Variants in DNAH1 observed in about 807,000 individuals in gnomAD.
The protein encoded by DNAH1 is axonemal beta dynein heavy chain 1.
In DNAH1, 327 loss-of-function variants were observed where a neutral mutation model predicts 484.3. The observed-to-expected ratio is 0.68, with a 90% CI of 0.62 to 0.74. The LOEUF (loss-of-function observed/expected upper bound fraction) is 0.74, where lower values mean the gene tolerates loss of function less well. Ranked by LOEUF, DNAH1 falls within the 30% of genes least tolerant of loss-of-function variation. The pLI, the probability that DNAH1 is intolerant of heterozygous loss-of-function variation, is 0.00. For synonymous variants in DNAH1, 2,192 were observed against 2,191.9 expected (o/e 1.00, Z 0.00); for missense variants, 5,052 against 5,546.8 (o/e 0.91, Z 2.83).
Position 52,357,730 on chromosome 3 carries a change from C to G in DNAH1, c.3975C>G (p.Phe1325Leu), listed in dbSNP as rs1289445795. The change falls in exon 23 of 78, where the codon TTC (phenylalanine) becomes TTG (leucine). Residue 1325 changes from phenylalanine to leucine, a missense_variant. Physicochemically the swap from Phe to Leu is conservative, Grantham distance 22. Transcript: ENST00000420323. ...SEYLETKRSAFPRFYFLSDDE... is the reference protein window; with the variant it reads ...SEYLETKRSALPRFYFLSDDE... ...ATCTGGAGACCAAGAGGAGCGCCTT[C>G]CCCAGGTGGGCGCCACCTGGCCATG... The G allele has an allele frequency of 6.3e-7, 1 of 1,577,706 alleles. No homozygotes were observed. The highest frequency in any genetic ancestry group is 1.8e-5 in the Admixed American group (1 of 54,482).
chr3:52,339,061 G>T (rs1701835935), intron 8 of DNAH1, among the ~76,000 whole-genome samples: 1 of 151,686 alleles, frequency 6.6e-6, no homozygotes, highest in African/African-American at 2.4e-5. Flanking sequence ...TTGAATTATA[G>T]TTTTAAATCT....
chr3:52,352,638 G>A lies in DNAH1; in HGVS notation c.2958G>A (p.Leu986=). 2 of 1,612,780 alleles carry A rather than the reference G, an allele frequency of 1.2e-6. No homozygotes were observed. The highest frequency in any genetic ancestry group is 2.2e-5 in the East Asian group (1 of 44,876). The change falls in exon 18 of 78, where the codon CTG becomes CTA. Residue 986 remains leucine (L), a synonymous_variant. Coordinates refer to ENST00000420323, the MANE Select transcript of DNAH1 (RefSeq NM_015512.5). The part of the protein sequence containing the change: ...ANEVRRVKKQ[L]KDCQQLAMLY... Reference sequence around the variant, plus strand: ...AGGTGCGGCGTGTCAAGAAGCAGCTGAAGGACTGCCAGCAGCTGGCCATGC... The same window carrying A: ...AGGTGCGGCGTGTCAAGAAGCAGCTAAAGGACTGCCAGCAGCTGGCCATGC...
chr3:52,384,782 C>A lies in DNAH1; in HGVS notation c.8323-4C>A. The A allele has an allele frequency of 6.3e-7, 1 of 1,597,540 alleles. No homozygotes were observed. On this transcript the variant is annotated splice_polypyrimidine_tract_variant and splice_region_variant and intron_variant, in intron 52 of 77. Coordinates refer to ENST00000420323, the MANE Select transcript of DNAH1 (RefSeq NM_015512.5). ...GGCCGGCATCCATGGTCTTCCTCCC[C>A]CAGATCCAGGTCTGTGTGTACATCC...
intron 3 of DNAH1, 78 bp from the exon 4 acceptor site, chr3:52,326,062 A>G: frequency 1.5e-6 from 2 of 1,355,596 alleles, no homozygotes; most frequent in South Asian, 1.7e-5. Context: ...CTGGTTGGTA[A>G]TTTATTTTAT....
chr3:52,345,832 T>A, intron 10 of DNAH1, 126 bp downstream of exon 10: 1 of 1,026,036 alleles, frequency 9.7e-7, no homozygotes, highest in African/African-American at 1.6e-5. Flanking sequence ...GAGCCCCTGC[T>A]TTTCTCAAAA....
intron 8 of DNAH1, among the ~76,000 whole-genome samples, chr3:52,339,028 C>T (rs1461467166): frequency 2.6e-5 from 4 of 151,144 alleles, no homozygotes; most frequent in African/African-American, 4.9e-5. Context: ...AGCCAGACTC[C>T]GTCTAAAAAA....
chr3:52,315,791 A>G (rs1313256379), upstream of DNAH1, among the ~76,000 whole-genome samples: 1 of 152,226 alleles, frequency 6.6e-6, no homozygotes, highest in Non-Finnish European at 1.5e-5. Context: ...CAGGAAGACC[A>G]AAGCCTGAAC....
rs766402661 is a variant in DNAH1 at position 52,400,455 on chromosome 3, A to C, written c.*9A>C. 1 of 1,613,982 alleles carries C rather than the reference A, an allele frequency of 6.2e-7. No individual in the cohort carries two copies. The highest frequency in any genetic ancestry group is 8.5e-7 in the Non-Finnish European group (1 of 1,179,838). The stretch of plus-strand genomic sequence containing the variant: ...GTGCCCTGGACTACTAGACTCAGAC[A>C]GAAGGGCTGGGGCCATTAAAGCTGA... On this transcript the variant is annotated 3_prime_UTR_variant, in exon 78 of 78. Coordinates refer to ENST00000420323, the MANE Select transcript of DNAH1 (RefSeq NM_015512.5).
intron 32 of DNAH1, among the ~76,000 whole-genome samples, chr3:52,363,755 A>G (rs546087915): frequency 2.4e-4 from 37 of 152,290 alleles, no homozygotes; most frequent in African/African-American, 8.7e-4. Flanking sequence ...TGTCACCCTA[A>G]TGGGCCTTCT....
intron 21 of DNAH1, among the ~76,000 whole-genome samples, chr3:52,356,385 T>A (rs1702609970): frequency 6.6e-6 from 1 of 152,218 alleles, no homozygotes; most frequent in Middle Eastern, 3.2e-3. Flanking sequence ...TTGGGCGTCC[T>A]GTGGGGATGT....
At position 52,396,807 on chromosome 3, in the gene DNAH1, G is replaced by A; in HGVS notation, c.11610+10G>A. 3 of 1,612,736 alleles carry A rather than the reference G, an allele frequency of 1.9e-6. No individual in the cohort carries two copies. The highest frequency in any genetic ancestry group is 1.7e-5 in the Admixed American group (1 of 59,976). ...TGACATCCCCTACAAGGTGGGCCTG[G>A]GGCAGACTGGGGCCTGGGGGACTGG... On this transcript the variant is annotated intron_variant, in intron 72 of 77. Transcript: ENST00000420323.
At position 52,381,403 on chromosome 3, in the gene DNAH1, G is replaced by A. The variant is rs941851478; in HGVS notation, c.7609-237G>A. Among the ~76,000 whole-genome samples, 6 of 152,122 alleles carry A rather than the reference G, an allele frequency of 3.9e-5. No individual in the cohort carries two copies. Among genetic ancestry groups the A allele is most frequent in the Admixed American group, 2.0e-4 (3 of 15,282 alleles). On this transcript the variant is annotated intron_variant, in intron 48 of 77. Coordinates refer to ENST00000420323, the MANE Select transcript of DNAH1 (RefSeq NM_015512.5). The surrounding 1 kb of genome is among the most constrained non-coding windows in gnomAD (Gnocchi z 4.1). ...GCTGGGATTACAGGCGTGAGCCACC[G>A]CGCTAGGCCAATCCCTCAGTGTTTT...
upstream of DNAH1, among the ~76,000 whole-genome samples, chr3:52,314,015 A>C (rs553685997): frequency 2.0e-5 from 3 of 152,260 alleles, no homozygotes; most frequent in African/African-American, 7.2e-5. Context: ...CTGGTCCCCA[A>C]AGTGGCCAGC....
Position 52,358,657 on chromosome 3 carries a change from G to A in DNAH1, c.4186G>A (p.Asp1396Asn), listed in dbSNP as rs1351291583. The A allele has an allele frequency of 6.2e-7, 1 of 1,613,250 alleles. No individual in the cohort carries two copies. Among genetic ancestry groups the A allele is most frequent in the Non-Finnish European group, 8.5e-7 (1 of 1,179,768 alleles). ...CATCTACCCCTCCAGCAACGTGGAG[G>A]ACTGGCTGCGGGAGGTGGAGCGCAG... is the stretch of plus-strand genomic sequence containing the variant. ...FSIYPSSNVE[D>N]WLREVERSMK... Residue 1396 changes from aspartate (D) to asparagine (N), a missense_variant, in exon 25 of 78, where the codon GAC becomes AAC. This residue lies in a region of DNAH1 where 2,929 missense variants were observed against 3,409.4 expected (regional missense o/e 0.86). Transcript: ENST00000420323. The surrounding 1 kb of genome is among the most constrained non-coding windows in gnomAD (Gnocchi z 4.2).
At chr3:52,373,637 A>G in intron 44 of DNAH1, 1 of 1,430,724 alleles carries the variant, frequency 7.0e-7, no homozygotes, top group Non-Finnish European at 9.9e-7. Flanking sequence ...AACTTCAAAA[A>G]CTACCATCCT....
Position 52,386,241 on chromosome 3 carries a change from C to G in DNAH1, c.8707C>G (p.Gln2903Glu). Residue 2903 changes from glutamine (Q) to glutamate (E), a missense_variant, in exon 55 of 78, where the codon CAA becomes GAA. Transcript: ENST00000420323. ...AGCCAATGAGAAGGCCAAGAAGGCA[C>G]AAGCTATTGCTGACGATGCCCAGAA... ...IKANEKAKKAQAIADDAQKDL... is the reference protein window; with the variant it reads ...IKANEKAKKAEAIADDAQKDL... 1 of 1,613,562 alleles carries G rather than the reference C, an allele frequency of 6.2e-7. No individual in the cohort carries two copies. The highest frequency in any genetic ancestry group is 1.1e-5 in the South Asian group (1 of 90,972).
chr3:52,396,761 G>A lies in DNAH1; in HGVS notation c.11574G>A (p.Lys3858=). ...TGCGCATCTGCATCAGCCAGCTCAA[G>A]ATGTTCCTGGACGAATATGATGACA... ...GDLRICISQL[K]MFLDEYDDIP... The change falls in exon 72 of 78, where the codon AAG becomes AAA. Residue 3858 remains lysine, a synonymous_variant. Coordinates refer to ENST00000420323, the MANE Select transcript of DNAH1 (RefSeq NM_015512.5). 5 of 1,613,768 alleles carry A rather than the reference G, an allele frequency of 3.1e-6. No individual in the cohort carries two copies. The highest frequency in any genetic ancestry group is 4.2e-6 in the Non-Finnish European group (5 of 1,179,872).
chr3:52,323,883 C>T lies in DNAH1; in HGVS notation c.406+3C>T. On this transcript the variant is annotated splice_donor_region_variant and intron_variant, in intron 3 of 77. Coordinates refer to ENST00000420323, the MANE Select transcript of DNAH1 (RefSeq NM_015512.5). ...CCTTGACAAGTTCACCCCAAGAGGTCAGTGCTCAGGAGGGCTGTGTGAGTG... is the reference window on the plus strand; with the variant it reads ...CCTTGACAAGTTCACCCCAAGAGGTTAGTGCTCAGGAGGGCTGTGTGAGTG... 2.5e-6 allele frequency: 4 copies of T among 1,570,508 alleles called. No individual in the cohort carries two copies. The highest frequency in any genetic ancestry group is 3.5e-6 in the Non-Finnish European group (4 of 1,157,552).
rs1399001152 is a variant in DNAH1, at chr3:52,356,704, G to A, written c.3784G>A (p.Val1262Met). 2.5e-6 allele frequency: 4 copies of A among 1,613,944 alleles called. No homozygotes were observed. The highest frequency in any genetic ancestry group is 2.2e-5 in the East Asian group (1 of 44,888). ...TGAGGACATCAACCAGCAGCTGCCT[G>A]TGGAGAGCAAGCGCTACCAGACCAT... ...SSEDINQQLP[V>M]ESKRYQTMER... is the part of the protein sequence containing the mutation. Residue 1262 changes from valine (V) to methionine (M), a missense_variant, in exon 22 of 78, where the codon GTG becomes ATG. Val to Met is a conservative substitution (Grantham distance 21, BLOSUM62 1). Transcript: ENST00000420323.
Sources: gnomAD v4.1 joint callset for allele counts (sites outside exome capture counted in the v4.1 genomes callset) on GRCh38, gnomAD v4.1.1 for gene constraint, gnomAD v4.1.1 regional missense constraint, Gnocchi (gnomAD v3.1) non-coding constraint, MANE v1.5 for transcripts, NCBI Gene and HGNC (gene_info 2026-07-23, HGNC 2026-07-21) for gene names.